The following CDYL2 variants were observed in gnomAD, a reference collection of about 807,000 sequenced individuals.
CDYL2 encodes the protein chromodomain Y-like protein 2.
Under a neutral mutation model 49.4 loss-of-function variants are expected in CDYL2, and 23 were observed. The ratio of observed to expected loss-of-function variants is 0.47; its 90% CI spans 0.34 to 0.66. The LOEUF is 0.66. Among genes scored for constraint, CDYL2 ranks in the 30% least tolerant of loss-of-function variants. The pLI, the probability that CDYL2 is intolerant of heterozygous loss-of-function variation, is 0.01. For missense variants in CDYL2, 678 were observed against 656.4 expected (o/e 1.03, Z -0.36); for synonymous variants, 360 against 268.8 (o/e 1.34, Z -3.32).
At chr16:80,682,313 A>C (rs1909998734) in intron 2 of CDYL2, among the ~76,000 whole-genome samples, 1 of 152,218 alleles carries the variant, frequency 6.6e-6, no homozygotes, top group Non-Finnish European at 1.5e-5. Flanking sequence ...GATCAGAGAG[A>C]CAAGAAAGGT....
rs1395508420 is a variant in CDYL2, at chr16:80,723,350, G to A, written c.25-38221C>T. 5.3e-5 allele frequency among the ~76,000 whole-genome samples: 8 copies of A among 152,326 alleles called. No homozygotes were observed. In the South Asian group the frequency reaches 8.3e-4, roughly 16 times the overall value. On this transcript the variant is annotated intron_variant, in intron 1 of 6. Coordinates refer to ENST00000570137, the MANE Select transcript of CDYL2 (RefSeq NM_152342.4). ...TCAAGTCCAGCTTTGGGCTTGCAGC[G>A]CTGAGGAGCTGAGATGAACATTCAA...
chr16:80,720,231 C>T (rs1193197476), intron 1 of CDYL2, among the ~76,000 whole-genome samples: 1 of 152,180 alleles, frequency 6.6e-6, no homozygotes, highest in Non-Finnish European at 1.5e-5. Context: ...ACTCCCCTCT[C>T]TGTGGACATG....
At chr16:80,677,732 C>T (rs1162603933) in intron 2 of CDYL2, among the ~76,000 whole-genome samples, 2 of 150,584 alleles carry the variant, frequency 1.3e-5, no homozygotes, top group Non-Finnish European at 3.0e-5. Context: ...GAGCGAGACT[C>T]CATCTCAAAA....
chr16:80,785,925 G>A (rs116052623), intron 1 of CDYL2, among the ~76,000 whole-genome samples: 3,550 of 152,144 alleles, frequency 0.023, 112 homozygotes, highest in African/African-American at 0.071. Flanking sequence ...GAAAACTGAA[G>A]CTGAACCCCT....
In CDYL2 at chr16:80,608,122, C is replaced by A. The variant is rs1030293611; in HGVS notation, c.1332G>T (p.Arg444=). 2 of 1,602,120 alleles carry A rather than the reference C, an allele frequency of 1.2e-6. No homozygotes were observed. Among genetic ancestry groups the A allele is most frequent in the Non-Finnish European group, 1.7e-6 (2 of 1,174,424 alleles). The change falls in exon 6 of 7, where the codon CGG becomes CGT. Residue 444 remains arginine, a synonymous_variant. Coordinates refer to ENST00000570137, the MANE Select transcript of CDYL2 (RefSeq NM_152342.4). ...CACTGCAGGATGCCATCTCCTTGAC[C>A]CGCAGCATGACCTCCTGGCTGAACG... ...PTTFSQEVML[R]VKEMASCSAV... is the part of the protein sequence containing the mutation.
chr16:80,783,781 A>G (rs149105693), intron 1 of CDYL2, among the ~76,000 whole-genome samples: 2 of 152,356 alleles, frequency 1.3e-5, no homozygotes, highest in East Asian at 3.9e-4. Flanking sequence ...CATTAGGCTG[A>G]GTTTTAAAAA....
chr16:80,617,800 T>C (rs951522648), intron 4 of CDYL2, among the ~76,000 whole-genome samples: 3 of 152,174 alleles, frequency 2.0e-5, no homozygotes, highest in Non-Finnish European at 4.4e-5. Flanking sequence ...CTCTCTTGCA[T>C]AAAAATAAGA....
At chr16:80,741,581 G>C (rs895871688) in intron 1 of CDYL2, among the ~76,000 whole-genome samples, 1 of 151,886 alleles carries the variant, frequency 6.6e-6, no homozygotes, top group African/African-American at 2.4e-5. Flanking sequence ...TAATGGAAAA[G>C]GTCACGAAAA....
At chr16:80,763,950 G>A (rs781109007) in intron 1 of CDYL2, among the ~76,000 whole-genome samples, 21 of 152,060 alleles carry the variant, frequency 1.4e-4, no homozygotes, top group Non-Finnish European at 2.4e-4. Context: ...TAGGGAAGGG[G>A]GTAGAGAGGG....
rs547737225 is a variant in CDYL2 at position 80,632,930 on chromosome 16, G to A, written c.834+89C>T. 27 of 1,323,292 alleles carry A rather than the reference G, an allele frequency of 2.0e-5. No individual in the cohort carries two copies. The East Asian group carries it at 5.4e-4, about 26-fold the overall frequency. The allele number at this position is 1,323,292 out of a possible 1,614,324, so 82.0% of individuals were successfully genotyped here. A position where few individuals can be genotyped will look rare whatever the true frequency, so the allele number is the denominator to read the frequency against. ...CGCTAGTTACCATCCTCAGCTCCCTGATGGAAGGAAGGAGAAAGCCAATAT... is the reference window on the plus strand; with the variant it reads ...CGCTAGTTACCATCCTCAGCTCCCTAATGGAAGGAAGGAGAAAGCCAATAT... On this transcript the variant is annotated intron_variant, in intron 3 of 6. Transcript: ENST00000570137.
Position 80,685,040 on chromosome 16 carries a change from C to T in CDYL2, c.114G>A (p.Thr38=), listed in dbSNP as rs778020207. 1.9e-6 allele frequency: 3 copies of T among 1,614,208 alleles called. No homozygotes were observed. The highest frequency in any genetic ancestry group is 2.2e-5 in the South Asian group (2 of 91,070). The change falls in exon 2 of 7, where the codon ACG becomes ACA. Residue 38 remains threonine (T), a synonymous_variant. Coordinates refer to ENST00000570137, the MANE Select transcript of CDYL2 (RefSeq NM_152342.4). ...GCAAGAGGTGGTGCTCCGGCTCCCACGTGTCCTCGGTGCTCCCGTAGCCTT... is the reference window on the plus strand; with the variant it reads ...GCAAGAGGTGGTGCTCCGGCTCCCATGTGTCCTCGGTGCTCCCGTAGCCTT... The part of the protein sequence containing the change: ...RWKGYGSTED[T]WEPEHHLLHC...
intron 2 of CDYL2, among the ~76,000 whole-genome samples, chr16:80,673,238 T>C (rs961943173): frequency 1.3e-5 from 2 of 152,146 alleles, no homozygotes; most frequent in Non-Finnish European, 2.9e-5. Context: ...GAGAATCGTT[T>C]GGACCCGGGA....
At position 80,640,436 on chromosome 16, in the gene CDYL2, T is replaced by C. The variant is rs187032049; in HGVS notation, c.617-7200A>G. On this transcript the variant is annotated intron_variant, in intron 2 of 6. Transcript: ENST00000570137. ...CCAGCAGCAATATACAGGTACCACG[T>C]TGAGGGCCTTGGGTAAGACTCCGAG... Among the ~76,000 whole-genome samples the C allele has an allele frequency of 2.6e-3, 400 of 152,224 alleles. 6 individuals carry two copies. Among genetic ancestry groups the C allele is most frequent in the African/African-American group, 9.3e-3 (386 of 41,536 alleles).
chr16:80,633,918 T>C (rs974216173), intron 2 of CDYL2, among the ~76,000 whole-genome samples: 3 of 152,176 alleles, frequency 2.0e-5, no homozygotes, highest in Non-Finnish European at 2.9e-5. Flanking sequence ...GATCCAGATG[T>C]ATAACGGTTC....
At chr16:80,725,215 C>T (rs891267965) in intron 1 of CDYL2, among the ~76,000 whole-genome samples, 1 of 151,060 alleles carries the variant, frequency 6.6e-6, no homozygotes, top group Non-Finnish European at 1.5e-5. Context: ...CACATACACA[C>T]ACACACTTTG....
At position 80,654,323 on chromosome 16, in the gene CDYL2, TCC is replaced by T. The variant is rs1908714471; in HGVS notation, c.617-21089_617-21088del. 2.0e-5 allele frequency among the ~76,000 whole-genome samples: 3 copies of T among 152,158 alleles called. 1 individual carries two copies. The South Asian group carries it at 6.2e-4, about 32-fold the overall frequency. On this transcript the variant is annotated intron_variant, in intron 2 of 6. Transcript: ENST00000570137. ...AGCCTGGACAGGCTCCGTGTTCTGA[TCC>T]TTGGTGAGCAGGATATGAGGATCAA...
intron 1 of CDYL2, among the ~76,000 whole-genome samples, chr16:80,761,116 G>C (rs1567598247): frequency 6.6e-6 from 1 of 152,104 alleles, no homozygotes; most frequent in South Asian, 2.1e-4. Flanking sequence ...CACCTGGCTG[G>C]GGGGAGACTT....
chr16:80,712,075 A>C (rs1454021111), intron 1 of CDYL2, among the ~76,000 whole-genome samples: 1 of 149,868 alleles, frequency 6.7e-6, no homozygotes, highest in African/African-American at 2.4e-5. Context: ...AGATGTGTGT[A>C]TATAGATGTG....
At chr16:80,752,721 C>G (rs1026175995) in intron 1 of CDYL2, among the ~76,000 whole-genome samples, 5 of 152,172 alleles carry the variant, frequency 3.3e-5, no homozygotes, top group Non-Finnish European at 7.4e-5. Context: ...AAATGTTTAA[C>G]AAAGCGGGAA....
Sources: allele counts gnomAD v4.1 joint callset (sites outside exome capture counted in the v4.1 genomes callset), GRCh38; gene constraint gnomAD v4.1.1; transcripts MANE v1.5; gene names NCBI Gene and HGNC (gene_info 2026-07-23, HGNC 2026-07-21).